CECR2: variants seen among roughly 807,000 people sequenced by gnomAD.
The protein encoded by CECR2 is chromatin remodeling regulator CECR2.
A neutral mutation model predicts 154.5 loss-of-function variants in CECR2; 30 were observed. The ratio of observed to expected loss-of-function variants is 0.19; its 90% CI spans 0.15 to 0.26. CECR2 has a LOEUF of 0.26. Ranked by LOEUF, CECR2 falls within the 10% of genes least tolerant of loss-of-function variation. The pLI, the probability that CECR2 is intolerant of heterozygous loss-of-function variation, is 1.00. For missense variants in CECR2, 1,743 were observed against 1,829.3 expected (o/e 0.95, Z 0.86); for synonymous variants, 725 against 683.7 (o/e 1.06, Z -0.94).
chr22:17,481,672 G>T (rs867880773), intron 2 of CECR2, among the ~76,000 whole-genome samples: 1 of 152,154 alleles, frequency 6.6e-6, no homozygotes, highest in Non-Finnish European at 1.5e-5. Context: ...CCTCATGTAC[G>T]ACAGTGGTCA....
At chr22:17,494,159 G>T (rs527541277) in intron 2 of CECR2, among the ~76,000 whole-genome samples, 1 of 152,206 alleles carries the variant, frequency 6.6e-6, no homozygotes, top group African/African-American at 2.4e-5. Flanking sequence ...GCAATGGCGC[G>T]ATCTTGGCTC....
At position 17,549,473 on chromosome 22, in the gene CECR2, G is replaced by A; in HGVS notation, c.4186G>A (p.Gly1396Ser). The change falls in exon 17 of 19, where the codon GGC becomes AGC. Residue 1396 changes from glycine (G) to serine (S), a missense_variant. Physicochemically the swap from Gly to Ser is moderately conservative, Grantham distance 56 (BLOSUM62 0). Transcript: ENST00000262608. Reference sequence around the variant, plus strand: ...TCCCATCTATCGCTGCCAGGAAGAAGGCCTGGGTCACTTTCAAGCTGTGAT... The same window carrying A: ...TCCCATCTATCGCTGCCAGGAAGAAAGCCTGGGTCACTTTCAAGCTGTGAT... ...EGPIYRCQEE[G>S]LGHFQAVMME... The A allele has an allele frequency of 1.2e-6, 2 of 1,610,950 alleles. No homozygotes were observed. The highest frequency in any genetic ancestry group is 1.1e-5 in the South Asian group (1 of 90,522).
chr22:17,464,256 T>G (rs1044849664), intron 1 of CECR2, among the ~76,000 whole-genome samples: 3 of 152,238 alleles, frequency 2.0e-5, no homozygotes, highest in Non-Finnish European at 1.5e-5. Flanking sequence ...TTAGGCCAAC[T>G]GATGAAATTT....
intron 7 of CECR2, among the ~76,000 whole-genome samples, chr22:17,510,892 A>C (rs142993414): frequency 3.3e-5 from 5 of 152,168 alleles, no homozygotes; most frequent in African/African-American, 7.2e-5. Flanking sequence ...GGCGTGAGCC[A>C]CCCCACCCAG....
At chr22:17,370,940 T>G (rs1455959903) in intron 1 of CECR2, among the ~76,000 whole-genome samples, 2 of 152,256 alleles carry the variant, frequency 1.3e-5, no homozygotes, top group East Asian at 1.9e-4. Flanking sequence ...GAATGGCAAC[T>G]GCGTTGGTCA....
chr22:17,372,718 G>A (rs891001663), intron 1 of CECR2, among the ~76,000 whole-genome samples: 11 of 152,096 alleles, frequency 7.2e-5, no homozygotes, highest in African/African-American at 2.4e-4. Flanking sequence ...ATGCCGAGCC[G>A]TACCTGTTAG....
intron 9 of CECR2, 31 bp downstream of exon 9, chr22:17,524,302 G>T (rs1373424816): frequency 1.3e-6 from 2 of 1,599,470 alleles, no homozygotes; most frequent in Admixed American, 3.5e-5. Context: ...GTCTGGAGAG[G>T]TGCATGTCTG....
intron 2 of CECR2, among the ~76,000 whole-genome samples, chr22:17,479,946 G>A (rs567748343): frequency 6.6e-6 from 1 of 151,818 alleles, no homozygotes; most frequent in African/African-American, 2.4e-5. Flanking sequence ...ACAATTTTTT[G>A]TAGAGACAAG....
intron 2 of CECR2, among the ~76,000 whole-genome samples, chr22:17,482,071 C>A (rs12160020): frequency 0.092 from 11,693 of 127,230 alleles, 702 homozygotes; most frequent in East Asian, 0.27. Flanking sequence ...GCCGAGATCA[C>A]GCCACTGCTC....
chr22:17,524,466 C>G, intron 9 of CECR2, 195 bp downstream of exon 9: 1 of 550,892 alleles, frequency 1.8e-6, no homozygotes, highest in South Asian at 2.1e-5. Flanking sequence ...GATCTCAGCT[C>G]ACTGCAAGCT....
upstream of CECR2, among the ~76,000 whole-genome samples, chr22:17,365,895 A>G (rs1401315250): frequency 6.6e-6 from 1 of 152,038 alleles, no homozygotes; most frequent in Non-Finnish European, 1.5e-5. Flanking sequence ...TTCCCAGATT[A>G]TCCTCCAGGA....
Position 17,477,674 on chromosome 22 carries a change from A to G in CECR2, c.213A>G (p.Arg71=), listed in dbSNP as rs954871181. The part of the protein sequence containing the change: ...ACLLQGCYQR[R]DITPQTFHSY... The stretch of plus-strand genomic sequence containing the variant: ...TGCTTCAGGGCTGCTATCAACGAAG[A>G]GATATCACGTGAGTAATTCTGATCT... Residue 71 remains arginine (R), a synonymous_variant, in exon 2 of 19, where the codon AGA becomes AGG. Coordinates refer to ENST00000262608, the MANE Select transcript of CECR2 (RefSeq NM_001290047.2). 1.9e-6 allele frequency: 3 copies of G among 1,603,848 alleles called. No homozygotes were observed. Among genetic ancestry groups the G allele is most frequent in the African/African-American group, 2.7e-5 (2 of 74,856 alleles).
chr22:17,386,770 C>G (rs1282749546), intron 1 of CECR2, among the ~76,000 whole-genome samples: 1 of 151,930 alleles, frequency 6.6e-6, no homozygotes, highest in Non-Finnish European at 1.5e-5. Flanking sequence ...CCTGTCTCAG[C>G]CTCCCAAGTA....
rs695493 is a variant in CECR2 at position 17,545,374 on chromosome 22, C to CAAAAAAAAAAA, written c.2860+2384_2860+2394dup. ...TGGGCGAAACAGCGAGACTCCGTCT[C>CAAAAAAAAAAA]AAAAAAAAAAAAAAAAAAAAAAAGA... On this transcript the variant is annotated intron_variant, in intron 16 of 18. Transcript: ENST00000262608. 1.9e-3 allele frequency among the ~76,000 whole-genome samples: 89 copies of CAAAAAAAAAAA among 46,424 alleles called. 5 individuals carry two copies. The highest frequency in any genetic ancestry group is 7.2e-3 in the African/African-American group (80 of 11,082). The allele number at this position is 46,424 out of a possible 152,430, so 30.5% of individuals were successfully genotyped here. A position where few individuals can be genotyped will look rare whatever the true frequency, so the allele number is the denominator to read the frequency against.
upstream of CECR2, among the ~76,000 whole-genome samples, chr22:17,365,190 C>A (rs972589474): frequency 6.6e-6 from 1 of 151,924 alleles, no homozygotes; most frequent in Admixed American, 6.6e-5. Flanking sequence ...TGCCACTGCA[C>A]TCCAGCCTGG....
upstream of CECR2, among the ~76,000 whole-genome samples, chr22:17,364,976 G>A (rs960657600): frequency 2.6e-5 from 4 of 152,348 alleles, no homozygotes; most frequent in East Asian, 7.7e-4. Flanking sequence ...TATAATCCCA[G>A]CACTCTGGGA....
At chr22:17,550,016 T>A (rs2056684581) in intron 17 of CECR2, among the ~76,000 whole-genome samples, 1 of 150,780 alleles carries the variant, frequency 6.6e-6, no homozygotes, top group Admixed American at 6.6e-5. Context: ...ATTATTGATG[T>A]TGTACACTCT....
At chr22:17,508,470 G>A (rs1441707823) in intron 7 of CECR2, among the ~76,000 whole-genome samples, 1 of 152,046 alleles carries the variant, frequency 6.6e-6, no homozygotes, top group Non-Finnish European at 1.5e-5. Flanking sequence ...ACCATTGTGT[G>A]TCTGGGATTG....
chr22:17,496,777 G>C lies in CECR2; in HGVS notation c.222-626G>C, dbSNP rs150334348. Among the ~76,000 whole-genome samples, 184 of 152,316 alleles carry C rather than the reference G, an allele frequency of 1.2e-3. 2 individuals are homozygous for C. The highest frequency in any genetic ancestry group is 4.2e-3 in the African/African-American group (176 of 41,570). On this transcript the variant is annotated intron_variant, in intron 2 of 18. Transcript: ENST00000262608. ...GTGTCTTCAGTTGTACGCGTAGCGGGTGAGACTTTTGCCTCAGCTTCATAA... is the reference window on the plus strand; with the variant it reads ...GTGTCTTCAGTTGTACGCGTAGCGGCTGAGACTTTTGCCTCAGCTTCATAA...
Sources: gnomAD v4.1 joint callset for allele counts (sites outside exome capture counted in the v4.1 genomes callset) on GRCh38, gnomAD v4.1.1 for gene constraint, MANE v1.5 for transcripts, NCBI Gene and HGNC (gene_info 2026-07-23, HGNC 2026-07-21) for gene names.